ROBO2: variants seen among roughly 807,000 people sequenced by gnomAD.
The protein encoded by ROBO2 is roundabout homolog 2.
In ROBO2, 53 loss-of-function variants were observed where a neutral mutation model predicts 160.8. The ratio of observed to expected loss-of-function variants is 0.33; its 90% CI spans 0.26 to 0.41. ROBO2 has a LOEUF of 0.41. ROBO2 is among the 10% of genes least tolerant of loss of function. ROBO2 has a pLI of 1.00. For missense variants in ROBO2, 1,577 were observed against 1,722.4 expected, an observed-to-expected ratio of 0.92 and a Z score of 1.49; for synonymous variants, 664 against 611.7, an observed-to-expected ratio of 1.09 and a Z score of -1.26.
At chr3:76,928,195 G>A (rs1487485770) in intron 2 of ROBO2, among the ~76,000 whole-genome samples, 1 of 152,124 alleles carries the variant, frequency 6.6e-6, no homozygotes, top group Non-Finnish European at 1.5e-5. Flanking sequence ...AACATTGTTG[G>A]CTTTGAATAC....
intron 2 of ROBO2, among the ~76,000 whole-genome samples, chr3:76,177,413 C>T (rs2073271107): frequency 6.6e-6 from 1 of 152,118 alleles, no homozygotes; most frequent in Non-Finnish European, 1.5e-5. Flanking sequence ...TTCAATTCCA[C>T]TTAAACAGAA....
At chr3:76,026,752 C>A (rs1232576299) in intron 2 of ROBO2, among the ~76,000 whole-genome samples, 1 of 151,986 alleles carries the variant, frequency 6.6e-6, no homozygotes, top group Non-Finnish European at 1.5e-5. Flanking sequence ...CAGAACTATA[C>A]AAAATGTGAA....
At chr3:76,856,483 A>G (rs980303964) in intron 2 of ROBO2, among the ~76,000 whole-genome samples, 2 of 152,196 alleles carry the variant, frequency 1.3e-5, no homozygotes, top group Non-Finnish European at 1.5e-5. Context: ...TGAATGCAAT[A>G]CACTATTTTT....
intron 2 of ROBO2, among the ~76,000 whole-genome samples, chr3:77,103,511 C>A (rs957187725): frequency 6.6e-6 from 1 of 151,002 alleles, no homozygotes; most frequent in African/African-American, 2.4e-5. Context: ...ACTACATGTT[C>A]AAAAGTTGGC....
intron 2 of ROBO2, among the ~76,000 whole-genome samples, chr3:77,303,149 G>A (rs919223378): frequency 1.3e-5 from 2 of 152,054 alleles, no homozygotes; most frequent in African/African-American, 4.8e-5. Flanking sequence ...TGGGCATGTG[G>A]GTATAACCGC....
rs111957508 is a variant in ROBO2 at position 77,589,023 on chromosome 3, G to A, written c.2683+90G>A. 1.8e-3 allele frequency: 2,674 copies of A among 1,480,790 alleles called. 51 individuals are homozygous for A. The African/African-American group carries it at 0.033, about 18-fold the overall frequency. 91.7% of individuals were successfully genotyped at this position (1,480,790 alleles called of 1,614,324 possible). On this transcript the variant is annotated intron_variant, in intron 17 of 25. Coordinates refer to ENST00000461745, the Ensembl canonical transcript of ROBO2. ...GAACAGAAAGGAATAACAAATGAGT[G>A]ATTTGGGCTTATTTTAGAAACCTGC...
chr3:75,989,781 A>G (rs2107504170), intron 2 of ROBO2, among the ~76,000 whole-genome samples: 1 of 152,364 alleles, frequency 6.6e-6, no homozygotes, highest in Non-Finnish European at 1.5e-5. Flanking sequence ...CTGCAGATAG[A>G]GAAACAGATG....
chr3:76,866,101 T>C (rs1195370405), intron 2 of ROBO2, among the ~76,000 whole-genome samples: 1 of 152,080 alleles, frequency 6.6e-6, no homozygotes, highest in Non-Finnish European at 1.5e-5. Context: ...GTCCATTTAA[T>C]TTTATCAAAG....
At position 76,948,878 on chromosome 3, in the gene ROBO2, A is replaced by T. The variant is rs866625234; in HGVS notation, c.110-149136A>T. ...CGCCACCACACCCGGCTAATTTTAT[A>T]TATATATATATATATATATATATAT... On this transcript the variant is annotated intron_variant, in intron 2 of 26. Coordinates refer to the ROBO2 transcript ENST00000487694. 2.5e-4 allele frequency among the ~76,000 whole-genome samples: 11 copies of T among 44,570 alleles called. No individual in the cohort carries two copies. In the South Asian group the frequency reaches 2.5e-3, roughly 10 times the overall value. The allele number at this position is 44,570 out of a possible 152,430, so 29.2% of individuals were successfully genotyped here.
chr3:75,965,959 G>A (rs1305179728), intron 2 of ROBO2, among the ~76,000 whole-genome samples: 2 of 151,682 alleles, frequency 1.3e-5, no homozygotes, highest in East Asian at 2.0e-4. Flanking sequence ...AATAAAGTGA[G>A]TTTATCTTGA....
At chr3:76,860,503 T>C (rs1307948939) in intron 2 of ROBO2, among the ~76,000 whole-genome samples, 1 of 152,200 alleles carries the variant, frequency 6.6e-6, no homozygotes, top group Admixed American at 6.5e-5. Flanking sequence ...TTTTGTTTTT[T>C]AATTGCTTAT....
intron 2 of ROBO2, among the ~76,000 whole-genome samples, chr3:76,754,404 G>T (rs183608899): frequency 6.6e-6 from 1 of 151,770 alleles, no homozygotes; most frequent in Non-Finnish European, 1.5e-5. Context: ...ACACTGAAGC[G>T]GAGGGGCAGC....
chr3:76,500,153 C>G (rs1045821129), intron 2 of ROBO2, among the ~76,000 whole-genome samples: 1 of 152,098 alleles, frequency 6.6e-6, no homozygotes. Context: ...TAATCTCAAT[C>G]TGTCACCCGG....
chr3:76,768,398 A>G (rs1310649824), intron 2 of ROBO2, among the ~76,000 whole-genome samples: 1 of 151,454 alleles, frequency 6.6e-6, no homozygotes, highest in African/African-American at 2.4e-5. Flanking sequence ...TTTCTCAAAG[A>G]CTCCGGAGTT....
At position 77,483,099 on chromosome 3, in the gene ROBO2, G is replaced by T. The variant is rs143187077; in HGVS notation, c.667+1880G>T. ...GCTATTATCCAAATAGATTGAATTT[G>T]TCTAGAGGCAGTTCCCCTGGCAGAA... On this transcript the variant is annotated intron_variant, in intron 4 of 25. Coordinates refer to ENST00000461745, the Ensembl canonical transcript of ROBO2. Among the ~76,000 whole-genome samples, 4 of 152,200 alleles carry T rather than the reference G, an allele frequency of 2.6e-5. No individual in the cohort carries two copies. In the East Asian group the frequency reaches 7.7e-4, roughly 29 times the overall value.
At chr3:77,633,338 A>G (rs761825297) in intron 23 of ROBO2, 2 of 152,218 alleles carry the variant, frequency 1.3e-5, no homozygotes, top group Non-Finnish European at 2.9e-5. Flanking sequence ...GAACAATTAT[A>G]TAATTTTTCA....
rs565624423 is a variant in ROBO2 at position 77,216,089 on chromosome 3, G to A, written c.388+117749G>A. On this transcript the variant is annotated intron_variant, in intron 2 of 25. Transcript: ENST00000461745. ...ATCTCCAGCTGCATGCTGGGAGAACGACTACTCTCTTCAAAGCTGTCAGAC... is the reference window on the plus strand; with the variant it reads ...ATCTCCAGCTGCATGCTGGGAGAACAACTACTCTCTTCAAAGCTGTCAGAC... Among the ~76,000 whole-genome samples, 354 of 152,266 alleles carry A rather than the reference G, an allele frequency of 2.3e-3. 2 individuals carry two copies. The highest frequency in any genetic ancestry group is 7.7e-3 in the African/African-American group (322 of 41,578).
intron 2 of ROBO2, among the ~76,000 whole-genome samples, chr3:77,260,447 A>C (rs908873169): frequency 5.3e-5 from 8 of 152,142 alleles, no homozygotes; most frequent in African/African-American, 1.9e-4. Context: ...AGTTATTTGA[A>C]GATTCACCTG....
intron 2 of ROBO2, among the ~76,000 whole-genome samples, chr3:77,267,766 C>A (rs1162655786): frequency 1.3e-5 from 2 of 152,088 alleles, no homozygotes; most frequent in Non-Finnish European, 2.9e-5. Flanking sequence ...GACTGATGGG[C>A]CATATGTTGT....
Sources: allele counts gnomAD v4.1 joint callset (sites outside exome capture counted in the v4.1 genomes callset), GRCh38; gene constraint gnomAD v4.1.1; transcripts MANE v1.5; gene names NCBI Gene and HGNC (gene_info 2026-07-23, HGNC 2026-07-21).